Variants in PTPRK observed in about 807,000 individuals in gnomAD.
PTPRK encodes the protein protein tyrosine phosphatase receptor type K.
Under a neutral mutation model 178.0 loss-of-function variants are expected in PTPRK, and 75 were observed. The ratio of observed to expected loss-of-function variants is 0.42; its 90% confidence interval spans 0.35 to 0.51. The LOEUF is 0.51. PTPRK is among the 20% of genes least tolerant of loss of function. PTPRK has a pLI of 0.02. For synonymous variants in PTPRK, 637 were observed against 620.6 expected, an observed-to-expected ratio of 1.03 and a Z score of -0.39; for missense variants, 1,441 against 1,797.8, an observed-to-expected ratio of 0.80 and a Z score of 3.59.
At chr6:128,254,899 T>C (rs558406741) in intron 3 of PTPRK, among the ~76,000 whole-genome samples, 15 of 152,190 alleles carry the variant, frequency 9.9e-5, no homozygotes, top group Non-Finnish European at 1.9e-4. Context: ...TGTACAATTA[T>C]AAAGGCTTGA....
At chr6:128,402,498 C>T (rs1038433411) in intron 1 of PTPRK, among the ~76,000 whole-genome samples, 1 of 152,132 alleles carries the variant, frequency 6.6e-6, no homozygotes, top group Admixed American at 6.6e-5. Context: ...GTGATCCACC[C>T]GTCTTGGCCT....
At chr6:128,276,685 G>T (rs1254345822) in intron 3 of PTPRK, among the ~76,000 whole-genome samples, 1 of 152,068 alleles carries the variant, frequency 6.6e-6, no homozygotes, top group East Asian at 1.9e-4. Flanking sequence ...AGTCTCTGTA[G>T]ATCTGGCTTG....
At position 128,256,204 on chromosome 6, in the gene PTPRK, C is replaced by T. The variant is rs536540335; in HGVS notation, c.496-13602G>A. On this transcript the variant is annotated intron_variant, in intron 3 of 29. Transcript: ENST00000368226. ...TATATGTGATAAAGCAGAGTTAGAA[C>T]GCTATGAGAGTTCAGGGGAGAGAGA... 5.9e-5 allele frequency among the ~76,000 whole-genome samples: 9 copies of T among 152,174 alleles called. No homozygotes were observed. The East Asian group carries it at 1.4e-3, about 23-fold the overall frequency.
At chr6:127,971,713 C>T (rs1773919787) in intron 29 of PTPRK, among the ~76,000 whole-genome samples, 1 of 151,346 alleles carries the variant, frequency 6.6e-6, no homozygotes, top group Non-Finnish European at 1.5e-5. Flanking sequence ...CACAGTTTAA[C>T]CATAGATTTT....
At chr6:128,241,062 T>TA (rs1382950220) in intron 4 of PTPRK, among the ~76,000 whole-genome samples, 1 of 152,180 alleles carries the variant, frequency 6.6e-6, no homozygotes, top group African/African-American at 2.4e-5. Flanking sequence ...AAACAGTAGA[T>TA]AAAAACACAG....
At chr6:128,165,446 T>C (rs1583293139) in intron 7 of PTPRK, among the ~76,000 whole-genome samples, 1 of 151,468 alleles carries the variant, frequency 6.6e-6, no homozygotes, top group Non-Finnish European at 1.5e-5. Flanking sequence ...TATTTTTCTT[T>C]ACTTTTTATA....
rs117897935 is a variant in PTPRK at position 128,443,268 on chromosome 6, C to A, written c.101-45580G>T. Among the ~76,000 whole-genome samples the A allele has an allele frequency of 9.9e-5, 15 of 152,116 alleles. No individual in the cohort carries two copies. In the East Asian group the frequency reaches 2.5e-3, roughly 25 times the overall value. On this transcript the variant is annotated intron_variant, in intron 1 of 29. Transcript: ENST00000368226. ...TCACAGATTACTGAAACACACAAGT[C>A]TTTATGATTCTATCTGCCAGGTACC...
intron 2 of PTPRK, among the ~76,000 whole-genome samples, chr6:128,346,830 C>T (rs1832493646): frequency 6.6e-6 from 1 of 152,118 alleles, no homozygotes; most frequent in South Asian, 2.1e-4. Context: ...AAGCACTAAA[C>T]ATAAGGCTTG....
chr6:128,375,024 T>A (rs1436330663), intron 2 of PTPRK, among the ~76,000 whole-genome samples: 3 of 151,046 alleles, frequency 2.0e-5, no homozygotes, highest in East Asian at 3.9e-4. Context: ...ATCTTTTAGG[T>A]CTTTAATTTT....
chr6:128,279,444 C>T (rs972951559), intron 3 of PTPRK, among the ~76,000 whole-genome samples: 1 of 152,078 alleles, frequency 6.6e-6, no homozygotes, highest in South Asian at 2.1e-4. Flanking sequence ...GGACTCATTC[C>T]CCAATGAATG....
At chr6:128,126,770 T>G (rs1384575274) in intron 7 of PTPRK, among the ~76,000 whole-genome samples, 1 of 152,190 alleles carries the variant, frequency 6.6e-6, no homozygotes, top group Non-Finnish European at 1.5e-5. Flanking sequence ...GTTATAGGGG[T>G]GACCCATGGC....
intron 13 of PTPRK, among the ~76,000 whole-genome samples, chr6:128,031,219 G>A (rs576258707): frequency 5.9e-5 from 9 of 152,138 alleles, no homozygotes; most frequent in Admixed American, 1.3e-4. Flanking sequence ...TCATTCAAGT[G>A]CATTTATAGT....
chr6:127,970,961 GA>G (rs71952464), intron 29 of PTPRK, among the ~76,000 whole-genome samples: 4,194 of 149,620 alleles, frequency 0.028, 217 homozygotes, highest in African/African-American at 0.098. Context: ...ATTTCCTTGA[GA>G]AAAAAAAAGC....
intron 2 of PTPRK, among the ~76,000 whole-genome samples, chr6:128,357,501 T>C (rs529112010): frequency 8.5e-5 from 13 of 152,156 alleles, no homozygotes; most frequent in African/African-American, 3.1e-4. Flanking sequence ...GAGACCTACA[T>C]TTCAGGTCTA....
chr6:128,497,290 TA>T (rs976490729), intron 1 of PTPRK, among the ~76,000 whole-genome samples: 18 of 152,146 alleles, frequency 1.2e-4, no homozygotes, highest in Non-Finnish European at 1.5e-5. Context: ...TTAATTTAAT[TA>T]TGCCTGGCTA....
chr6:128,273,770 G>A (rs551424732), intron 3 of PTPRK, among the ~76,000 whole-genome samples: 1 of 152,248 alleles, frequency 6.6e-6, no homozygotes, highest in South Asian at 2.1e-4. Context: ...AGGATACATG[G>A]AAAATTAGTC....
chr6:128,043,838 C>T (rs1777601180), intron 13 of PTPRK, among the ~76,000 whole-genome samples: 2 of 151,380 alleles, frequency 1.3e-5, no homozygotes, highest in Admixed American at 1.3e-4. Flanking sequence ...AATAAAGAAA[C>T]TTTATGGCAA....
intron 1 of PTPRK, among the ~76,000 whole-genome samples, chr6:128,484,302 C>G (rs1420577847): frequency 1.3e-5 from 2 of 152,128 alleles, no homozygotes; most frequent in Non-Finnish European, 2.9e-5. Flanking sequence ...CTTCTTTTTA[C>G]TTCCTTCTCT....
At chr6:128,388,468 C>T (rs1025914026) in intron 2 of PTPRK, among the ~76,000 whole-genome samples, 5 of 152,212 alleles carry the variant, frequency 3.3e-5, no homozygotes, top group Non-Finnish European at 5.9e-5. Flanking sequence ...GGTTTAAACA[C>T]ATTTGTAGTT....
Sources: allele counts gnomAD v4.1 joint callset (sites outside exome capture counted in the v4.1 genomes callset), GRCh38; gene constraint gnomAD v4.1.1; transcripts MANE v1.5; gene names NCBI Gene and HGNC (gene_info 2026-07-23, HGNC 2026-07-21).